NTSR1: variants seen among roughly 807,000 people sequenced by gnomAD.
NTSR1 encodes neurotensin receptor type 1.
NTSR1 carries 29 observed loss-of-function variants against 31.2 expected under a neutral mutation model. The ratio of observed to expected loss-of-function variants is 0.93; its 90% CI spans 0.69 to 1.27. NTSR1 has a LOEUF of 1.27. Among genes scored for constraint, NTSR1 ranks in the 50% most tolerant of loss-of-function variants. The pLI, the probability that NTSR1 is intolerant of heterozygous loss-of-function variation, is 0.00. For synonymous variants in NTSR1, 282 were observed against 269.9 expected, an observed-to-expected ratio of 1.04 and a Z score of -0.44; for missense variants, 697 against 595.4, an observed-to-expected ratio of 1.17 and a Z score of -1.78.
At position 62,760,150 on chromosome 20, in the gene NTSR1, C is replaced by T; in HGVS notation, c.1140C>T (p.Ala380=). Residue 380 remains alanine, a synonymous_variant, in exon 4 of 4, where the codon GCC becomes GCT. Coordinates refer to ENST00000370501, the MANE Select transcript of NTSR1 (RefSeq NM_002531.3). Reference sequence around the variant, plus strand: ...GCCACATCTTCCTGGCCACACTGGCCTGCCTCTGCCCGGTGTGGCGGCGCA... The same window carrying T: ...GCCACATCTTCCTGGCCACACTGGCTTGCCTCTGCCCGGTGTGGCGGCGCA... ...NFRHIFLATL[A]CLCPVWRRRR... 1 of 1,614,204 alleles carries T rather than the reference C, an allele frequency of 6.2e-7. No individual in the cohort carries two copies.
intron 1 of NTSR1, among the ~76,000 whole-genome samples, chr20:62,738,825 C>T (rs1204343476): frequency 1.3e-5 from 2 of 152,214 alleles, no homozygotes; most frequent in African/African-American, 4.8e-5. Context: ...CCAGAGATCT[C>T]CAAAATGGAC....
Position 62,742,964 on chromosome 20 carries a change from G to A in NTSR1, c.715-11721G>A, listed in dbSNP as rs949651523. Among the ~76,000 whole-genome samples the A allele has an allele frequency of 2.7e-5, 4 of 149,560 alleles. No individual in the cohort carries two copies. The highest frequency in any genetic ancestry group is 5.9e-5 in the Non-Finnish European group (4 of 68,012). ...TACCCACAGCACAGGCAAGTGGAACGTTCTCTGAGTTTAGCTTTGTTTGTG... is the reference window on the plus strand; with the variant it reads ...TACCCACAGCACAGGCAAGTGGAACATTCTCTGAGTTTAGCTTTGTTTGTG... On this transcript the variant is annotated intron_variant, in intron 1 of 3. Transcript: ENST00000370501. This position sits in a 1 kb window ranked among gnomAD's most constrained non-coding sequence, Gnocchi z 7.1.
chr20:62,749,407 CA>C (rs1159350634), intron 1 of NTSR1, among the ~76,000 whole-genome samples: 2 of 152,156 alleles, frequency 1.3e-5, no homozygotes, highest in African/African-American at 4.8e-5. Context: ...AAGATCTAAA[CA>C]TAAAACCTGA....
Position 62,759,970 on chromosome 20 carries a change from G to A in NTSR1, c.1008-48G>A, listed in dbSNP as rs767927301. ...GCCCCGGCTGTCACCCTGCCTTGGG[G>A]CCCTCAAGAGTTCTCTCTGGGATCT... On this transcript the variant is annotated intron_variant, in intron 3 of 3. Transcript: ENST00000370501. 2.5e-6 allele frequency: 4 copies of A among 1,597,584 alleles called. No individual in the cohort carries two copies. In the South Asian group the frequency reaches 3.3e-5, roughly 13 times the overall value.
At position 62,760,251 on chromosome 20, in the gene NTSR1, G is replaced by T. The variant is rs766991609; in HGVS notation, c.1241G>T (p.Arg414Leu). Reference sequence around the variant, plus strand: ...CACACCCTCTCCAGCAATGCCACCCGCGAGACGCTGTACTAGGCTGTGCGC... The same window carrying T: ...CACACCCTCTCCAGCAATGCCACCCTCGAGACGCTGTACTAGGCTGTGCGC... ...SNHTLSSNAT[R>L]ETLY The change falls in exon 4 of 4, where the codon CGC becomes CTC. Residue 414 changes from arginine to leucine, a missense_variant. Transcript: ENST00000370501. 13 of 1,611,964 alleles carry T rather than the reference G, an allele frequency of 8.1e-6. No individual in the cohort carries two copies. The highest frequency in any genetic ancestry group is 4.0e-5 in the African/African-American group (3 of 74,928).
intron 1 of NTSR1, among the ~76,000 whole-genome samples, chr20:62,710,972 C>A (rs535701476): frequency 1.1e-3 from 163 of 152,304 alleles, no homozygotes; most frequent in African/African-American, 3.3e-3. Context: ...CCCCCAACTC[C>A]CCACACACCA....
At chr20:62,737,850 C>T (rs1167323530) in intron 1 of NTSR1, among the ~76,000 whole-genome samples, 1 of 150,080 alleles carries the variant, frequency 6.7e-6, no homozygotes, top group African/African-American at 2.5e-5. Flanking sequence ...TGACCCCTGC[C>T]CCCGGTCCTC....
chr20:62,744,161 C>T lies in NTSR1; in HGVS notation c.715-10524C>T, dbSNP rs1041914435. ...TGTCCCATCCCAGCCTCCCAAGCCGCAGTCCTGTGCCCCCCAATTTGCTTC... is the reference window on the plus strand; with the variant it reads ...TGTCCCATCCCAGCCTCCCAAGCCGTAGTCCTGTGCCCCCCAATTTGCTTC... On this transcript the variant is annotated intron_variant, in intron 1 of 3. Transcript: ENST00000370501. The surrounding 1 kb of genome is among the most constrained non-coding windows in gnomAD (Gnocchi z 4.1). Among the ~76,000 whole-genome samples the T allele has an allele frequency of 3.3e-5, 5 of 152,202 alleles. No individual in the cohort carries two copies. The highest frequency in any genetic ancestry group is 5.9e-5 in the Non-Finnish European group (4 of 68,038).
chr20:62,711,610 C>A lies in NTSR1; in HGVS notation c.714+1689C>A, dbSNP rs895286864. 6.7e-5 allele frequency among the ~76,000 whole-genome samples: 10 copies of A among 150,366 alleles called. No individual in the cohort carries two copies. Among genetic ancestry groups the A allele is most frequent in the Non-Finnish European group, 1.2e-4 (8 of 67,616 alleles). On this transcript the variant is annotated intron_variant, in intron 1 of 3. Coordinates refer to ENST00000370501, the MANE Select transcript of NTSR1 (RefSeq NM_002531.3). The surrounding 1 kb of genome is among the most constrained non-coding windows in gnomAD (Gnocchi z 6.4). ...TCCCCGATCCCCCCGCTCAGAACCC[C>A]GATCCCCCTGCTCCCCTGGCAAAAG...
chr20:62,748,798 G>T (rs762380322), intron 1 of NTSR1, among the ~76,000 whole-genome samples: 18 of 152,094 alleles, frequency 1.2e-4, no homozygotes, highest in Non-Finnish European at 2.5e-4. Context: ...ATGAGTTATA[G>T]GATTAAGGGG....
At position 62,711,369 on chromosome 20, in the gene NTSR1, G is replaced by A. The variant is rs6011828; in HGVS notation, c.714+1448G>A. On this transcript the variant is annotated intron_variant, in intron 1 of 3. Coordinates refer to ENST00000370501, the MANE Select transcript of NTSR1 (RefSeq NM_002531.3). This position sits in a 1 kb window ranked among gnomAD's most constrained non-coding sequence, Gnocchi z 6.4. ...TGAGAAATGACCTCTCCCTCCCTTT[G>A]AGGCTTTATCTGCTCTCCCCAAGCT... 0.069 allele frequency among the ~76,000 whole-genome samples: 10,501 copies of A among 152,186 alleles called. 1,080 individuals are homozygous for A. Among genetic ancestry groups the A allele is most frequent in the African/African-American group, 0.22 (9,168 of 41,472 alleles).
chr20:62,754,914 C>A lies in NTSR1; in HGVS notation c.916+28C>A, dbSNP rs759031035. On this transcript the variant is annotated intron_variant, in intron 2 of 3. Coordinates refer to ENST00000370501, the MANE Select transcript of NTSR1 (RefSeq NM_002531.3). ...ACGTAACCTCTGGGCCCTCCAGGGG[C>A]GGGAGGCAGGCCAGGGCTAGCAAAG... is the stretch of plus-strand genomic sequence containing the variant. The A allele has an allele frequency of 2.6e-6, 4 of 1,555,856 alleles. No individual in the cohort carries two copies. The South Asian group carries it at 3.4e-5, about 13-fold the overall frequency.
In NTSR1 at chr20:62,709,859, C is replaced by A. The variant is rs753711022; in HGVS notation, c.652C>A (p.His218Asn). Residue 218 changes from histidine to asparagine, a missense_variant, in exon 1 of 4, where the codon CAC becomes AAC. His to Asn is a moderately conservative substitution (Grantham distance 68). Transcript: ENST00000370501. ...GCAGAACCGCAGCGCCGACGGCCAG[C>A]ACGCCGGCGGCCTGGTGTGCACCCC... ...GEQNRSADGQ[H>N]AGGLVCTPTI... The A allele has an allele frequency of 6.2e-7, 1 of 1,607,926 alleles. No homozygotes were observed. Among genetic ancestry groups the A allele is most frequent in the East Asian group, 2.2e-5 (1 of 44,678 alleles).
intron 1 of NTSR1, among the ~76,000 whole-genome samples, chr20:62,734,772 C>T (rs1187300739): frequency 2.6e-5 from 4 of 152,214 alleles, no homozygotes; most frequent in Admixed American, 6.5e-5. Context: ...TCACTAATAC[C>T]GTTGCAAGTT....
At chr20:62,725,103 C>T (rs923318561) in intron 1 of NTSR1, among the ~76,000 whole-genome samples, 11 of 152,248 alleles carry the variant, frequency 7.2e-5, no homozygotes, top group Admixed American at 5.9e-4. Flanking sequence ...CCTCCTCTCC[C>T]GGCAGACAAG....
intron 1 of NTSR1, among the ~76,000 whole-genome samples, chr20:62,746,947 A>G (rs1989310680): frequency 6.6e-6 from 1 of 152,256 alleles, no homozygotes; most frequent in African/African-American, 2.4e-5. Flanking sequence ...TACCAAAGCC[A>G]GAGAAGGACG....
chr20:62,735,882 G>A (rs1989082570), intron 1 of NTSR1, among the ~76,000 whole-genome samples: 1 of 152,214 alleles, frequency 6.6e-6, no homozygotes, highest in African/African-American at 2.4e-5. Context: ...GAGTTGCCAA[G>A]AACAGTTCCC....
intron 1 of NTSR1, among the ~76,000 whole-genome samples, chr20:62,717,249 G>A (rs143964291): frequency 1.7e-3 from 252 of 152,336 alleles, no homozygotes; most frequent in African/African-American, 5.8e-3. Flanking sequence ...TGACCCACCC[G>A]AAGCCACCCG....
intron 1 of NTSR1, among the ~76,000 whole-genome samples, chr20:62,730,943 A>T (rs768913599): frequency 6.6e-5 from 10 of 151,902 alleles, no homozygotes; most frequent in Non-Finnish European, 1.5e-4. Flanking sequence ...CTTATTGTTG[A>T]GTTGTAAAAG....
Sources: allele counts gnomAD v4.1 joint callset (sites outside exome capture counted in the v4.1 genomes callset), GRCh38; gene constraint gnomAD v4.1.1; non-coding constraint Gnocchi (gnomAD v3.1); transcripts MANE v1.5; gene names NCBI Gene and HGNC (gene_info 2026-07-23, HGNC 2026-07-21).